Variants in RIMBP2 observed in about 807,000 individuals in gnomAD.
The protein encoded by RIMBP2 is RIMS binding protein 2, also known as RIMS-binding protein 2.
RIMBP2 carries 48 observed loss-of-function variants against 118.6 expected under a neutral mutation model. That is an observed-to-expected ratio of 0.40 (90% CI 0.32 to 0.51). The LOEUF is 0.51. RIMBP2 is among the 20% of genes least tolerant of loss of function. The pLI is 0.41. For synonymous variants in RIMBP2, 762 were observed against 742.9 expected (o/e 1.03, Z -0.42); for missense variants, 1,551 against 1,768.3 (o/e 0.88, Z 2.20).
intron 3 of RIMBP2, among the ~76,000 whole-genome samples, chr12:130,515,423 TG>T (rs2051346271): frequency 6.6e-6 from 1 of 152,142 alleles, no homozygotes; most frequent in South Asian, 2.1e-4. Context: ...TTTGTCTCTA[TG>T]GCTCTGATGA....
intron 10 of RIMBP2, among the ~76,000 whole-genome samples, chr12:130,443,189 T>C (rs2078272044): frequency 6.6e-6 from 1 of 151,254 alleles, no homozygotes; most frequent in African/African-American, 2.4e-5. Context: ...GCACAATGTG[T>C]CCAATTTGAT....
intron 4 of RIMBP2, among the ~76,000 whole-genome samples, chr12:130,489,961 T>TA (rs1335359395): frequency 6.6e-6 from 1 of 151,732 alleles, no homozygotes; most frequent in Admixed American, 6.6e-5. Context: ...CCGTCTCTAC[T>TA]AAAATACAAA....
chr12:130,606,194 A>T (rs73156963), intron 2 of RIMBP2, among the ~76,000 whole-genome samples: 1 of 152,142 alleles, frequency 6.6e-6, no homozygotes, highest in African/African-American at 2.4e-5. Flanking sequence ...ATAAAAAAAG[A>T]TTGGCCCTGC....
intron 2 of RIMBP2, among the ~76,000 whole-genome samples, chr12:130,568,481 C>T (rs944140946): frequency 2.6e-5 from 4 of 152,248 alleles, no homozygotes; most frequent in South Asian, 2.1e-4. Context: ...CCCAGAGAGC[C>T]GTGAGCAGAC....
chr12:130,512,710 G>A (rs1051899400), intron 3 of RIMBP2, among the ~76,000 whole-genome samples: 3 of 152,214 alleles, frequency 2.0e-5, no homozygotes, highest in Admixed American at 1.3e-4. Context: ...GGAGAAAGTG[G>A]ACTCAGAGTG....
intron 1 of RIMBP2, among the ~76,000 whole-genome samples, chr12:130,633,596 T>C (rs1399412206): frequency 6.6e-6 from 1 of 152,126 alleles, no homozygotes; most frequent in African/African-American, 2.4e-5. Flanking sequence ...TAACAGTGAT[T>C]TGAGCCACAA....
At chr12:130,485,250 C>T (rs1208983416) in intron 4 of RIMBP2, among the ~76,000 whole-genome samples, 6 of 152,248 alleles carry the variant, frequency 3.9e-5, no homozygotes, top group Admixed American at 1.3e-4. Context: ...ATATGCAGGG[C>T]ACTATGCTTG....
intron 2 of RIMBP2, among the ~76,000 whole-genome samples, chr12:130,597,148 G>C (rs1270027832): frequency 6.6e-6 from 1 of 152,082 alleles, no homozygotes; most frequent in East Asian, 1.9e-4. Flanking sequence ...CAAAATTGTA[G>C]GTCACTATGA....
intron 2 of RIMBP2, among the ~76,000 whole-genome samples, chr12:130,536,475 G>A (rs190110456): frequency 7.4e-4 from 113 of 152,056 alleles, no homozygotes; most frequent in South Asian, 4.2e-3. Context: ...TCCTTTATTC[G>A]CATCAAAAAA....
At chr12:130,510,565 T>C (rs1411710242) in intron 3 of RIMBP2, among the ~76,000 whole-genome samples, 1 of 151,892 alleles carries the variant, frequency 6.6e-6, no homozygotes, top group Non-Finnish European at 1.5e-5. Context: ...ACCTCCTGAG[T>C]TCAAGGGATT....
chr12:130,650,957 T>TAA (rs1346691383), intron 1 of RIMBP2, among the ~76,000 whole-genome samples: 389 of 130,452 alleles, frequency 3.0e-3, no homozygotes, highest in Non-Finnish European at 5.0e-3. Flanking sequence ...CTTGTTTTTT[T>TAA]TAAAAAAAAA....
intron 3 of RIMBP2, among the ~76,000 whole-genome samples, chr12:130,517,264 G>A (rs1161030139): frequency 2.6e-5 from 4 of 152,104 alleles, no homozygotes; most frequent in Admixed American, 6.5e-5. Flanking sequence ...CCCTTGCCGC[G>A]GGGCACCCTA....
chr12:130,549,074 C>T (rs2055472356), intron 2 of RIMBP2, among the ~76,000 whole-genome samples: 1 of 152,182 alleles, frequency 6.6e-6, no homozygotes, highest in African/African-American at 2.4e-5. Flanking sequence ...ATTAAATACT[C>T]CTAGGAAACT....
chr12:130,614,274 A>G (rs2140669129), intron 2 of RIMBP2, among the ~76,000 whole-genome samples: 1 of 152,328 alleles, frequency 6.6e-6, no homozygotes, highest in South Asian at 2.1e-4. Context: ...GGCAGCACCC[A>G]CAGGAATCAG....
chr12:130,405,633 G>A (rs1408514890), intron 21 of RIMBP2, among the ~76,000 whole-genome samples: 1 of 151,800 alleles, frequency 6.6e-6, no homozygotes, highest in East Asian at 1.9e-4. Context: ...AAGGAGGGAG[G>A]GTGGCTCTGA....
intron 2 of RIMBP2, among the ~76,000 whole-genome samples, chr12:130,575,255 CAG>C (rs1239829980): frequency 2.8e-5 from 4 of 141,800 alleles, no homozygotes; most frequent in Admixed American, 2.1e-4. Flanking sequence ...ACAATGCTCA[CAG>C]TACTAGAGTT....
In RIMBP2 at chr12:130,434,201, C is replaced by T. The variant is rs1486885982; in HGVS notation, c.2253+533G>A. Among the ~76,000 whole-genome samples, 6 of 152,210 alleles carry T rather than the reference C, an allele frequency of 3.9e-5. No homozygotes were observed. The highest frequency in any genetic ancestry group is 1.4e-4 in the African/African-American group (6 of 41,454). On this transcript the variant is annotated intron_variant, in intron 14 of 22. Transcript: ENST00000690449. This position sits in a 1 kb window ranked among gnomAD's most constrained non-coding sequence, Gnocchi z 5.7. ...CCTGTTGTCCAAGTTTTGTTCTTTA[C>T]AGCATCTGAGGGCATTTCCATTAGA...
rs2076607043 is a variant in RIMBP2, at chr12:130,424,181, G to A, written c.3090C>T (p.Pro1030=). Reference sequence around the variant, plus strand: ...CGACTCTGGGAGGTGGCTTTGCGTGGGGGGCAGCTGCCCTACTGTCGGGCA... The same window carrying A: ...CGACTCTGGGAGGTGGCTTTGCGTGAGGGGCAGCTGCCCTACTGTCGGGCA... ...ITMPDSRAAA[P]HAKPPPRVAQ... is the part of the protein sequence containing the mutation. Residue 1030 remains proline (P), a synonymous_variant, in exon 16 of 23, where the codon CCC becomes CCT. Coordinates refer to ENST00000690449, the MANE Select transcript of RIMBP2 (RefSeq NM_001393629.1). This position sits in a 1 kb window ranked among gnomAD's most constrained non-coding sequence, Gnocchi z 9.8. 27 of 1,232,040 alleles carry A rather than the reference G, an allele frequency of 2.2e-5. No individual in the cohort carries two copies. Among genetic ancestry groups the A allele is most frequent in the African/African-American group, 3.1e-5 (2 of 64,394 alleles). 76.3% of individuals were successfully genotyped at this position (1,232,040 alleles called of 1,614,324 possible).
chr12:130,572,641 C>G (rs1248236285), intron 2 of RIMBP2, among the ~76,000 whole-genome samples: 1 of 151,840 alleles, frequency 6.6e-6, no homozygotes, highest in Admixed American at 6.6e-5. Context: ...AGCACTGCTA[C>G]AAAACAGACA....
Sources: gnomAD v4.1 joint callset for allele counts (sites outside exome capture counted in the v4.1 genomes callset) on GRCh38, gnomAD v4.1.1 for gene constraint, Gnocchi (gnomAD v3.1) non-coding constraint, MANE v1.5 for transcripts, NCBI Gene and HGNC (gene_info 2026-07-23, HGNC 2026-07-21) for gene names.